MYPN: variants seen among roughly 807,000 people sequenced by gnomAD.
MYPN encodes sarcomeric protein myopalladin, 145 kDa (MYOP).
A neutral mutation model predicts 129.4 loss-of-function variants in MYPN; 63 were observed. That is an observed-to-expected ratio of 0.49 (90% confidence interval 0.40 to 0.60). The LOEUF (loss-of-function observed/expected upper bound fraction) is 0.60. Ranked by LOEUF, MYPN falls within the 20% of genes least tolerant of loss-of-function variation. The probability of loss-of-function intolerance (pLI) is 0.00; values close to 1 mark genes in which losing one functional copy is unlikely to be tolerated. For synonymous variants in MYPN, 629 were observed against 600.9 expected (o/e 1.05, Z -0.68); for missense variants, 1,596 against 1,635.4 (o/e 0.98, Z 0.42).
At chr10:68,172,154 G>A (rs113916446) in intron 10 of MYPN, among the ~76,000 whole-genome samples, 9,487 of 152,154 alleles carry the variant, frequency 0.062, 1,019 homozygotes, top group African/African-American at 0.21. Context: ...AGGAGTTTGA[G>A]ACCAGCCTGG....
intron 15 of MYPN, 99 bp from the exon 16 acceptor site, chr10:68,197,253 A>AAT (rs982700964): frequency 9.0e-6 from 13 of 1,445,270 alleles, no homozygotes; most frequent in African/African-American, 1.4e-5. Flanking sequence ...AAAAAAAAAA[A>AAT]ATCTGTTCTC....
In MYPN at chr10:68,197,242, CA is replaced by C. The variant is rs34524918; in HGVS notation, c.3159-98del. The C allele has an allele frequency of 9.8e-3, 10,641 of 1,085,360 alleles. 1 individual carries two copies. Among genetic ancestry groups the C allele is most frequent in the East Asian group, 0.032 (973 of 30,842 alleles). 67.2% of individuals were successfully genotyped at this position (1,085,360 alleles called of 1,614,324 possible). A position where few individuals can be genotyped will look rare whatever the true frequency, so the allele number is the denominator to read the frequency against. On this transcript the variant is annotated intron_variant, in intron 15 of 19. Coordinates refer to ENST00000358913, the MANE Select transcript of MYPN (RefSeq NM_032578.4). ...TAGTCCAGCCTCCCCTTTCCCCCTT[CA>C]AAAAAAAAAAATCTGTTCTCTAGGT...
chr10:68,175,276 T>C lies in MYPN; in HGVS notation c.2565-47T>C, dbSNP rs199555226. 5.6e-6 allele frequency: 9 copies of C among 1,611,148 alleles called. No homozygotes were observed. In the African/African-American group the frequency reaches 8.0e-5, roughly 14 times the overall value. ...CTCTGATTTCTAGGCCTTTTTACCCTGGCCAGTGCTTTTCATGGGTGTGTC... is the reference window on the plus strand; with the variant it reads ...CTCTGATTTCTAGGCCTTTTTACCCCGGCCAGTGCTTTTCATGGGTGTGTC... On this transcript the variant is annotated intron_variant, in intron 11 of 19. Transcript: ENST00000358913.
chr10:68,147,516 C>G (rs946875065), intron 4 of MYPN, among the ~76,000 whole-genome samples: 2 of 152,130 alleles, frequency 1.3e-5, no homozygotes, highest in African/African-American at 2.4e-5. Context: ...GATATAACAC[C>G]TAGACCAAAG....
upstream of MYPN, among the ~76,000 whole-genome samples, chr10:68,104,029 A>C (rs2041994901): frequency 6.6e-6 from 1 of 152,192 alleles, no homozygotes; most frequent in Non-Finnish European, 1.5e-5. Context: ...ACTTTGGGAA[A>C]ACTATGCTTC....
intron 3 of MYPN, among the ~76,000 whole-genome samples, chr10:68,144,385 A>T (rs1353299982): frequency 1.3e-5 from 2 of 152,196 alleles, no homozygotes; most frequent in African/African-American, 4.8e-5. Context: ...TAAGGCCACG[A>T]CTTATTTATA....
chr10:68,129,766 C>T (rs1378312614), intron 2 of MYPN, among the ~76,000 whole-genome samples: 1 of 152,098 alleles, frequency 6.6e-6, no homozygotes, highest in Non-Finnish European at 1.5e-5. Context: ...TTTCAAATTT[C>T]AATTTTTATT....
At chr10:68,178,236 T>C (rs1475786396) in intron 12 of MYPN, among the ~76,000 whole-genome samples, 1 of 152,240 alleles carries the variant, frequency 6.6e-6, no homozygotes, top group Admixed American at 6.5e-5. Flanking sequence ...TTTAGCTTTC[T>C]AAACTTACAA....
Position 68,206,911 on chromosome 10 carries a change from T to C in MYPN, c.3793+8T>C, listed in dbSNP as rs1362896944. The C allele has an allele frequency of 3.1e-6, 5 of 1,614,000 alleles. No homozygotes were observed. The highest frequency in any genetic ancestry group is 2.2e-5 in the East Asian group (1 of 44,900). On this transcript the variant is annotated splice_region_variant and intron_variant, in intron 19 of 19. Transcript: ENST00000358913. ...CCAGGCTGGATATATACGGTAAGTG[T>C]AATGCTGTTAGTTGAACATCTGTAT...
At chr10:68,161,571 G>A (rs959692327) in intron 7 of MYPN, among the ~76,000 whole-genome samples, 158 bp from the exon 8 acceptor site, 3 of 151,172 alleles carry the variant, frequency 2.0e-5, no homozygotes, top group Non-Finnish European at 4.4e-5. Context: ...TATCCATCCT[G>A]TCCCTGTTGA....
chr10:68,108,579 C>A (rs1443473915), upstream of MYPN, among the ~76,000 whole-genome samples: 1 of 152,100 alleles, frequency 6.6e-6, no homozygotes, highest in African/African-American at 2.4e-5. Flanking sequence ...TAAGAATGAT[C>A]TTTTTAAAGA....
intron 1 of MYPN, among the ~76,000 whole-genome samples, chr10:68,119,331 T>C (rs1217454336): frequency 6.6e-6 from 1 of 152,124 alleles, no homozygotes; most frequent in Non-Finnish European, 1.5e-5. Context: ...AATATTATCA[T>C]GTGATAAACA....
In MYPN at chr10:68,206,728, G is replaced by A. The variant is rs767972897; in HGVS notation, c.3660-42G>A. On this transcript the variant is annotated intron_variant, in intron 18 of 19. Coordinates refer to ENST00000358913, the MANE Select transcript of MYPN (RefSeq NM_032578.4). ...CCCTAAATTTGACAAAGGCATTTCT[G>A]CCCCCCGATAAAATATAGGTATATT... 3.7e-6 allele frequency: 6 copies of A among 1,613,594 alleles called. No homozygotes were observed. The African/African-American group carries it at 5.3e-5, about 14-fold the overall frequency.
chr10:68,116,860 G>C (rs1175223661), intron 1 of MYPN, among the ~76,000 whole-genome samples: 2 of 152,128 alleles, frequency 1.3e-5, no homozygotes, highest in African/African-American at 4.8e-5. Context: ...CCAGTTTATA[G>C]TTTTTCTTTG....
upstream of MYPN, among the ~76,000 whole-genome samples, chr10:68,107,229 C>T (rs886153278): frequency 8.6e-5 from 13 of 151,410 alleles, no homozygotes; most frequent in African/African-American, 2.2e-4. Context: ...TTATATTCAG[C>T]TTTTTTTCAA....
At chr10:68,105,912 A>T (rs573584682), upstream of MYPN, among the ~76,000 whole-genome samples, 31 of 152,306 alleles carry the variant, frequency 2.0e-4, no homozygotes, top group South Asian at 2.9e-3. Flanking sequence ...CTATTTCCTT[A>T]GTCATCTTAG....
Position 68,174,445 on chromosome 10 carries a change from C to T in MYPN, c.2353C>T (p.Leu785Phe), listed in dbSNP as rs2043194035. ...PGGLSIQNEP[L>F]PPGPTEPTPP... ...AGGGCTTTCCATCCAAAATGAGCCA[C>T]TCCCACCAGGCCCAACAGAACCAAC... The change falls in exon 11 of 20, where the codon CTC becomes TTC. Residue 785 changes from leucine (L) to phenylalanine (F), a missense_variant. Transcript: ENST00000358913. The T allele has an allele frequency of 1.2e-6, 2 of 1,614,164 alleles. No individual in the cohort carries two copies.
intron 2 of MYPN, among the ~76,000 whole-genome samples, chr10:68,139,295 G>A (rs1163914397): frequency 6.6e-6 from 1 of 152,030 alleles, no homozygotes; most frequent in Non-Finnish European, 1.5e-5. Context: ...AACTTTCTGG[G>A]GTTCTGCTGC....
In MYPN at chr10:68,136,544, T is replaced by A. The variant is rs138026097; in HGVS notation, c.903-6396T>A. Reference sequence around the variant, plus strand: ...GAAGCCAGCCTGATCCCTGCCTAATTTCTAAGTGGGTCATGCTGTTAAAGT... The same window carrying A: ...GAAGCCAGCCTGATCCCTGCCTAATATCTAAGTGGGTCATGCTGTTAAAGT... On this transcript the variant is annotated intron_variant, in intron 2 of 19. Coordinates refer to ENST00000358913, the MANE Select transcript of MYPN (RefSeq NM_032578.4). The A allele has an allele frequency of 5.2e-5, 74 of 1,429,852 alleles. 1 individual carries two copies. In the African/African-American group the frequency reaches 7.0e-4, roughly 14 times the overall value. 88.6% of individuals were successfully genotyped at this position (1,429,852 alleles called of 1,614,324 possible).
Sources: gnomAD v4.1 joint callset for allele counts (sites outside exome capture counted in the v4.1 genomes callset) on GRCh38, gnomAD v4.1.1 for gene constraint, MANE v1.5 for transcripts, NCBI Gene and HGNC (gene_info 2026-07-23, HGNC 2026-07-21) for gene names.